Variants in SIPA1L1 observed in about 807,000 individuals in gnomAD.
SIPA1L1 encodes signal-induced proliferation-associated 1-like protein 1.
A neutral mutation model predicts 162.7 loss-of-function variants in SIPA1L1; 26 were observed. The observed-to-expected ratio is 0.16, with a 90% CI of 0.12 to 0.22. The LOEUF is 0.22. SIPA1L1 is among the 10% of genes least tolerant of loss of function. SIPA1L1 has a pLI of 1.00. For missense variants in SIPA1L1, 1,874 were observed against 2,241.0 expected (o/e 0.84, Z 3.31); for synonymous variants, 829 against 837.4 (o/e 0.99, Z 0.17).
chr14:71,448,674 C>T (rs2045589726), intron 2 of SIPA1L1: 1 of 140,278 alleles, frequency 7.1e-6, no homozygotes, highest in South Asian at 2.3e-4. Context: ...GCCTGCATTT[C>T]AAGTCTAATT....
intron 2 of SIPA1L1, among the ~76,000 whole-genome samples, chr14:71,469,586 G>A (rs2047291295): frequency 6.6e-6 from 1 of 152,178 alleles, no homozygotes; most frequent in African/African-American, 2.4e-5. Context: ...GATATCTAAT[G>A]TGCATGCTGT....
At chr14:71,718,423 A>T (rs1276236525) in intron 17 of SIPA1L1, among the ~76,000 whole-genome samples, 1 of 152,256 alleles carries the variant, frequency 6.6e-6, no homozygotes, top group South Asian at 2.1e-4. Flanking sequence ...AGCTAGTGTC[A>T]GCCCATTGTG....
At chr14:71,471,548 C>T (rs2047464228) in intron 2 of SIPA1L1, among the ~76,000 whole-genome samples, 1 of 152,200 alleles carries the variant, frequency 6.6e-6, no homozygotes, top group Non-Finnish European at 1.5e-5. Context: ...TCGAACAAGA[C>T]AGGGTCCTTT....
intron 2 of SIPA1L1, among the ~76,000 whole-genome samples, chr14:71,411,470 G>T (rs1282444676): frequency 6.6e-6 from 1 of 152,098 alleles, no homozygotes; most frequent in African/African-American, 2.4e-5. Flanking sequence ...CTTAACTGGG[G>T]CTGCCTTCCC....
chr14:71,730,356 C>T lies in SIPA1L1; in HGVS notation c.4861+55C>T. On this transcript the variant is annotated intron_variant, in intron 20 of 23. Coordinates refer to ENST00000381232, the MANE Select transcript of SIPA1L1 (RefSeq NM_001386936.1). The stretch of plus-strand genomic sequence containing the variant: ...GGCCCTGTTGATGATGGTCAGTGTC[C>T]CCAGACGTGGCTGCCACTCATGTGC... 4 of 1,593,148 alleles carry T rather than the reference C, an allele frequency of 2.5e-6. No individual in the cohort carries two copies. The South Asian group carries it at 3.4e-5, about 14-fold the overall frequency.
intron 3 of SIPA1L1, among the ~76,000 whole-genome samples, chr14:71,517,538 A>G (rs758610016): frequency 1.3e-5 from 2 of 152,156 alleles, no homozygotes; most frequent in Non-Finnish European, 2.9e-5. Context: ...AGTGAACATA[A>G]ATTTAAGAGT....
At chr14:71,470,599 G>A (rs1260767215) in intron 2 of SIPA1L1, among the ~76,000 whole-genome samples, 3 of 152,174 alleles carry the variant, frequency 2.0e-5, no homozygotes, top group African/African-American at 7.2e-5. Context: ...GGAGCTGCTT[G>A]TAGGTCATTG....
intron 20 of SIPA1L1, among the ~76,000 whole-genome samples, chr14:71,731,515 C>T (rs2150344650): frequency 6.6e-6 from 1 of 152,332 alleles, no homozygotes; most frequent in South Asian, 2.1e-4. Context: ...TCTTCTCTCC[C>T]TACATCGGGG....
chr14:71,363,982 G>A (rs1327966809), intron 2 of SIPA1L1, among the ~76,000 whole-genome samples: 1 of 152,142 alleles, frequency 6.6e-6, no homozygotes, highest in African/African-American at 2.4e-5. Flanking sequence ...TACAGCAGTG[G>A]TTCTGAAACT....
intron 16 of SIPA1L1, among the ~76,000 whole-genome samples, chr14:71,706,147 T>TA (rs1285593587): frequency 2.6e-5 from 4 of 151,708 alleles, no homozygotes; most frequent in Non-Finnish European, 1.5e-5. Flanking sequence ...ATATTGAAGC[T>TA]AAAAAAAACA....
At chr14:71,387,642 C>G (rs971808167) in intron 2 of SIPA1L1, among the ~76,000 whole-genome samples, 1 of 152,106 alleles carries the variant, frequency 6.6e-6, no homozygotes, top group Non-Finnish European at 1.5e-5. Context: ...GGTATGCATA[C>G]GTATGTTTCA....
At chr14:71,386,418 T>C (rs1039474032) in intron 2 of SIPA1L1, among the ~76,000 whole-genome samples, 2 of 152,188 alleles carry the variant, frequency 1.3e-5, no homozygotes, top group African/African-American at 4.8e-5. Context: ...TGGGTCTGCC[T>C]TTCCCAGTCC....
rs780408969 is a variant in SIPA1L1 at position 71,699,138 on chromosome 14, G to A, written c.3521+11G>A. 21 of 1,613,486 alleles carry A rather than the reference G, an allele frequency of 1.3e-5. No homozygotes were observed. The highest frequency in any genetic ancestry group is 2.7e-5 in the African/African-American group (2 of 74,890). On this transcript the variant is annotated intron_variant, in intron 14 of 23. Coordinates refer to ENST00000381232, the MANE Select transcript of SIPA1L1 (RefSeq NM_001386936.1). ...GTCCATGCCCGAAGGGTAGTTATGC[G>A]TTTGTCCCATTGTACATGGTCCCTG... is the stretch of plus-strand genomic sequence containing the variant.
intron 17 of SIPA1L1, among the ~76,000 whole-genome samples, chr14:71,711,103 A>C (rs1041459335): frequency 6.6e-6 from 1 of 152,302 alleles, no homozygotes; most frequent in African/African-American, 2.4e-5. Context: ...TACCACTACC[A>C]CATTGCAGAT....
At chr14:71,651,181 C>T (rs1475716411) in intron 8 of SIPA1L1, among the ~76,000 whole-genome samples, 4 of 152,168 alleles carry the variant, frequency 2.6e-5, no homozygotes, top group African/African-American at 9.7e-5. Context: ...TTTTGGTTAG[C>T]TGGGACTAAT....
chr14:71,727,715 C>T (rs2084372145), intron 19 of SIPA1L1, among the ~76,000 whole-genome samples: 1 of 152,226 alleles, frequency 6.6e-6, no homozygotes, highest in Non-Finnish European at 1.5e-5. Flanking sequence ...CAGCACCAGG[C>T]AGCGCTCCTG....
At chr14:71,518,774 A>G (rs1010946169) in intron 3 of SIPA1L1, among the ~76,000 whole-genome samples, 1 of 151,760 alleles carries the variant, frequency 6.6e-6, no homozygotes, top group African/African-American at 2.4e-5. Flanking sequence ...AACACTGTGT[A>G]TTAGTCTGTT....
intron 2 of SIPA1L1, among the ~76,000 whole-genome samples, chr14:71,438,001 T>G (rs1020754469): frequency 6.6e-6 from 1 of 152,178 alleles, no homozygotes; most frequent in African/African-American, 2.4e-5. Context: ...TACTGTTTTT[T>G]TCAGTACCTT....
chr14:71,711,911 C>T (rs2082901728), intron 17 of SIPA1L1, among the ~76,000 whole-genome samples: 1 of 152,160 alleles, frequency 6.6e-6, no homozygotes, highest in South Asian at 2.1e-4. Flanking sequence ...ATTTGAGTCA[C>T]ATTCATTTCT....
Sources: allele counts gnomAD v4.1 joint callset (sites outside exome capture counted in the v4.1 genomes callset), GRCh38; gene constraint gnomAD v4.1.1; transcripts MANE v1.5; gene names NCBI Gene and HGNC (gene_info 2026-07-23, HGNC 2026-07-21).